CDH10: variants seen among roughly 807,000 people sequenced by gnomAD.
The protein encoded by CDH10 is cadherin 10.
CDH10 carries 30 observed loss-of-function variants against 73.1 expected under a neutral mutation model. The observed-to-expected ratio is 0.41, with a 90% CI of 0.31 to 0.56. The LOEUF is 0.56. Ranked by LOEUF, CDH10 falls within the 20% of genes least tolerant of loss-of-function variation. The pLI is 0.27. For synonymous variants in CDH10, 345 were observed against 348.2 expected, an observed-to-expected ratio of 0.99 and a Z score of 0.10; for missense variants, 815 against 973.7, an observed-to-expected ratio of 0.84 and a Z score of 2.17.
intron 2 of CDH10, among the ~76,000 whole-genome samples, chr5:24,560,202 G>T (rs904826797): frequency 9.7e-4 from 1 of 1,032 alleles, no homozygotes; most frequent in East Asian, 0.5. Context: ...ATTTGCAATT[G>T]TGTGTGTGTG....
At chr5:24,539,641 G>T (rs1744079967) in intron 2 of CDH10, among the ~76,000 whole-genome samples, 1 of 151,980 alleles carries the variant, frequency 6.6e-6, no homozygotes. Context: ...AAGAAGTCAG[G>T]TAACAAATAG....
At chr5:24,491,960 C>T (rs1008905921) in intron 10 of CDH10, 133 bp from the exon 11 acceptor site, 1 of 576,034 alleles carries the variant, frequency 1.7e-6, no homozygotes, top group African/African-American at 1.9e-5. Flanking sequence ...TCCTAAAAAA[C>T]AAGTACAATG....
At chr5:24,632,906 G>T (rs77414224) in intron 1 of CDH10, among the ~76,000 whole-genome samples, 1 of 151,658 alleles carries the variant, frequency 6.6e-6, no homozygotes, top group Non-Finnish European at 1.5e-5. Context: ...TGATGATGAT[G>T]ATAATGATGA....
intron 2 of CDH10, among the ~76,000 whole-genome samples, chr5:24,555,416 T>C (rs1311911240): frequency 6.6e-6 from 1 of 152,038 alleles, no homozygotes; most frequent in Non-Finnish European, 1.5e-5. Context: ...TTATCACACT[T>C]CCATAGATGT....
At position 24,505,262 on chromosome 5, in the gene CDH10, G is replaced by A. The variant is rs144680689; in HGVS notation, c.1257-14C>T. On this transcript the variant is annotated splice_polypyrimidine_tract_variant and intron_variant, in intron 7 of 11. Transcript: ENST00000264463. ...TCCAAGGAAAATCTGAACATGGAGG[G>A]CAAGAAAAAATACATGGCAGCATTA... The A allele has an allele frequency of 4.4e-5, 71 of 1,608,878 alleles. No homozygotes were observed. The highest frequency in any genetic ancestry group is 3.3e-4 in the Middle Eastern group (2 of 6,046).
intron 2 of CDH10, among the ~76,000 whole-genome samples, chr5:24,559,456 A>G (rs1744878777): frequency 6.6e-6 from 1 of 152,106 alleles, no homozygotes; most frequent in African/African-American, 2.4e-5. Context: ...TCTTAGATTA[A>G]TATCCAATCA....
chr5:24,529,631 T>C (rs768811142), intron 5 of CDH10, among the ~76,000 whole-genome samples: 1 of 151,986 alleles, frequency 6.6e-6, no homozygotes, highest in Non-Finnish European at 1.5e-5. Flanking sequence ...ATAATAAATA[T>C]CATATCAAAT....
chr5:24,522,190 TTG>T (rs2111819750), intron 5 of CDH10, among the ~76,000 whole-genome samples: 1 of 124,682 alleles, frequency 8.0e-6, no homozygotes, highest in South Asian at 2.8e-4. Flanking sequence ...TAATATGTAA[TTG>T]TGAGTGTTAA....
intron 2 of CDH10, among the ~76,000 whole-genome samples, chr5:24,569,927 C>A (rs1172564315): frequency 6.6e-6 from 1 of 152,030 alleles, no homozygotes; most frequent in African/African-American, 2.4e-5. Flanking sequence ...CGACGCCCGG[C>A]TAATTTTTTT....
chr5:24,565,901 C>A (rs183800110), intron 2 of CDH10, among the ~76,000 whole-genome samples: 26 of 152,132 alleles, frequency 1.7e-4, no homozygotes, highest in Non-Finnish European at 2.6e-4. Flanking sequence ...GAACTATTAG[C>A]CTCCAGAACA....
intron 5 of CDH10, among the ~76,000 whole-genome samples, chr5:24,518,892 T>G (rs1217248898): frequency 7.1e-6 from 1 of 141,188 alleles, no homozygotes; most frequent in Non-Finnish European, 1.5e-5. Context: ...CACTTTTTTT[T>G]TTTTTTTTTT....
rs1561135944 is a variant in CDH10 at position 24,517,038 on chromosome 5, C to G, written c.815-5524G>C. ...AAGTTATTGTTAACATGTTAATTGA[C>G]TTTCATTTTAGAAATCAACATATCT... On this transcript the variant is annotated intron_variant, in intron 5 of 11. Transcript: ENST00000264463. 2.0e-5 allele frequency among the ~76,000 whole-genome samples: 3 copies of G among 151,964 alleles called. No homozygotes were observed. In the South Asian group the frequency reaches 6.2e-4, roughly 32 times the overall value.
intron 9 of CDH10, among the ~76,000 whole-genome samples, chr5:24,495,361 TG>T: frequency 6.6e-6 from 1 of 152,336 alleles, no homozygotes; most frequent in African/African-American, 2.4e-5. Context: ...CTGTCTTCAC[TG>T]GGCTGTTCTA....
At chr5:24,533,955 A>C (rs1378702193) in intron 5 of CDH10, among the ~76,000 whole-genome samples, 1 of 152,128 alleles carries the variant, frequency 6.6e-6, no homozygotes, top group East Asian at 1.9e-4. Flanking sequence ...TAGTGTGCTC[A>C]AGAAAATTCT....
intron 5 of CDH10, 31 bp from the exon 6 acceptor site, chr5:24,511,545 CAGAGAGAGAGAGAGAGAGAGAG>C (rs55901211): frequency 5.7e-5 from 33 of 576,386 alleles, no homozygotes; most frequent in Middle Eastern, 4.2e-4. Context: ...AAGAGAGAGA[CAGAGAGAGAGAGAGAGAGAGAG>C]AGAGAGAGAG....
At chr5:24,516,433 A>G (rs6885143) in intron 5 of CDH10, among the ~76,000 whole-genome samples, 72,216 of 151,444 alleles carry the variant, frequency 0.48, 17,279 homozygotes, top group East Asian at 0.58. Flanking sequence ...CAGTGATCTT[A>G]CTGGCAACAA....
intron 2 of CDH10, among the ~76,000 whole-genome samples, chr5:24,540,492 G>A (rs1278934744): frequency 6.6e-6 from 1 of 151,766 alleles, no homozygotes; most frequent in African/African-American, 2.4e-5. Flanking sequence ...TCTTATAATT[G>A]GACCACATAC....
At chr5:24,558,312 T>G (rs563480987) in intron 2 of CDH10, among the ~76,000 whole-genome samples, 24 of 151,828 alleles carry the variant, frequency 1.6e-4, no homozygotes, top group Non-Finnish European at 3.1e-4. Context: ...AGCTCATTAT[T>G]ATAAACTATG....
At chr5:24,632,827 C>T (rs1016240794) in intron 1 of CDH10, among the ~76,000 whole-genome samples, 1 of 151,742 alleles carries the variant, frequency 6.6e-6, no homozygotes, top group African/African-American at 2.4e-5. Context: ...ACATGGTATC[C>T]TGTAATTGTG....
Sources: allele counts gnomAD v4.1 joint callset (sites outside exome capture counted in the v4.1 genomes callset), GRCh38; gene constraint gnomAD v4.1.1; transcripts MANE v1.5; gene names NCBI Gene and HGNC (gene_info 2026-07-23, HGNC 2026-07-21).